Variants in PELI2 observed in about 807,000 individuals in gnomAD.
PELI2 encodes the protein pellino E3 ubiquitin protein ligase family member 2, also known as E3 ubiquitin-protein ligase pellino homolog 2.
A neutral mutation model predicts 42.3 loss-of-function variants in PELI2; 23 were observed. The observed-to-expected ratio is 0.54, with a 90% confidence interval of 0.39 to 0.77. The LOEUF (loss-of-function observed/expected upper bound fraction) is 0.77, where lower values mean the gene tolerates loss of function less well. PELI2 is among the 30% of genes least tolerant of loss of function. PELI2 has a pLI of 0.00. For synonymous variants in PELI2, 245 were observed against 212.2 expected (o/e 1.15, Z -1.34); for missense variants, 463 against 553.2 (o/e 0.84, Z 1.64).
chr14:56,147,520 A>G (rs1046024646), intron 1 of PELI2, among the ~76,000 whole-genome samples: 1 of 152,224 alleles, frequency 6.6e-6, no homozygotes, highest in African/African-American at 2.4e-5. Context: ...GAATTCCTAC[A>G]CCAGCACCAA....
At chr14:56,156,067 A>T (rs924576235) in intron 1 of PELI2, among the ~76,000 whole-genome samples, 14 of 152,210 alleles carry the variant, frequency 9.2e-5, no homozygotes, top group African/African-American at 3.1e-4. Context: ...ATTTAAGTAC[A>T]TCTACTGTTT....
At chr14:56,125,717 A>G (rs928042624) in intron 1 of PELI2, among the ~76,000 whole-genome samples, 1 of 152,116 alleles carries the variant, frequency 6.6e-6, no homozygotes, top group Admixed American at 6.5e-5. Context: ...CTGGACAAAA[A>G]CGTGGTTCTG....
Position 56,213,417 on chromosome 14 carries a change from C to T in PELI2, c.207+34953C>T, listed in dbSNP as rs117926263. ...CCCAGAGAGGAGTACACTTTAAAAG[C>T]AGAGTCCAAGTTAGCAGGCGAGAGG... On this transcript the variant is annotated intron_variant, in intron 2 of 5. Coordinates refer to ENST00000267460, the MANE Select transcript of PELI2 (RefSeq NM_021255.3). 4.0e-4 allele frequency among the ~76,000 whole-genome samples: 61 copies of T among 152,274 alleles called. No individual in the cohort carries two copies. The East Asian group carries it at 0.01, about 26-fold the overall frequency.
At chr14:56,257,999 T>C (rs1238744312) in intron 2 of PELI2, among the ~76,000 whole-genome samples, 1 of 152,066 alleles carries the variant, frequency 6.6e-6, no homozygotes, top group East Asian at 1.9e-4. Flanking sequence ...CGCCACAGAA[T>C]GGGGAAAGAA....
At chr14:56,235,117 TG>T (rs1420377469) in intron 2 of PELI2, among the ~76,000 whole-genome samples, 2 of 152,188 alleles carry the variant, frequency 1.3e-5, no homozygotes, top group African/African-American at 2.4e-5. Flanking sequence ...AGTATTAGCT[TG>T]GTGCAAAGGT....
At chr14:56,123,077 T>G (rs1332236982) in intron 1 of PELI2, among the ~76,000 whole-genome samples, 1 of 152,150 alleles carries the variant, frequency 6.6e-6, no homozygotes, top group Non-Finnish European at 1.5e-5. Context: ...ATTGATAAGC[T>G]CTACAAAAGG....
Position 56,184,014 on chromosome 14 carries a change from C to CT in PELI2, c.207+5559dup, listed in dbSNP as rs200516799. On this transcript the variant is annotated intron_variant, in intron 2 of 5. Coordinates refer to ENST00000267460, the MANE Select transcript of PELI2 (RefSeq NM_021255.3). ...AAGATAAGCCAAGTAAACCACTTAA[C>CT]TTTTTTTTTGGAAATTTTACATTTA... Among the ~76,000 whole-genome samples, 1,166 of 151,338 alleles carry CT rather than the reference C, an allele frequency of 7.7e-3. 18 individuals are homozygous for CT. Among genetic ancestry groups the CT allele is most frequent in the African/African-American group, 0.026 (1,066 of 41,304 alleles).
intron 2 of PELI2, among the ~76,000 whole-genome samples, chr14:56,270,705 C>A (rs1302634855): frequency 6.6e-6 from 1 of 152,178 alleles, no homozygotes; most frequent in African/African-American, 2.4e-5. Flanking sequence ...TTATATACAT[C>A]ATTTTCTCTT....
intron 3 of PELI2, among the ~76,000 whole-genome samples, chr14:56,282,733 T>C (rs998701074): frequency 6.6e-5 from 10 of 152,146 alleles, no homozygotes; most frequent in Non-Finnish European, 1.3e-4. Flanking sequence ...TATATAATCT[T>C]ATAAATGTCT....
intron 2 of PELI2, among the ~76,000 whole-genome samples, chr14:56,217,783 G>A (rs1224115912): frequency 2.0e-5 from 3 of 152,036 alleles, no homozygotes; most frequent in African/African-American, 4.8e-5. Flanking sequence ...TTGGCCCAAC[G>A]TGCTGTCACT....
intron 2 of PELI2, among the ~76,000 whole-genome samples, chr14:56,261,226 G>A (rs921450355): frequency 5.3e-5 from 8 of 152,126 alleles, no homozygotes; most frequent in Non-Finnish European, 7.3e-5. Flanking sequence ...CTTGGTAACT[G>A]TGTCCTGTGA....
At chr14:56,245,933 A>G (rs375719869) in intron 2 of PELI2, among the ~76,000 whole-genome samples, 4 of 152,294 alleles carry the variant, frequency 2.6e-5, no homozygotes, top group East Asian at 3.9e-4. Context: ...TATGTAAGAG[A>G]CTTGAGCATC....
At chr14:56,208,820 C>A (rs963502322) in intron 2 of PELI2, among the ~76,000 whole-genome samples, 1 of 152,114 alleles carries the variant, frequency 6.6e-6, no homozygotes, top group East Asian at 1.9e-4. Context: ...TCATAGAAAA[C>A]CATTTTTACC....
chr14:56,160,556 G>A (rs1013995295), intron 1 of PELI2, among the ~76,000 whole-genome samples: 13 of 152,258 alleles, frequency 8.5e-5, no homozygotes, highest in African/African-American at 2.9e-4. Flanking sequence ...ATTTTGGCAT[G>A]GGGAAGCTGG....
intron 2 of PELI2, among the ~76,000 whole-genome samples, chr14:56,265,064 A>G (rs1888847000): frequency 6.6e-6 from 1 of 152,204 alleles, no homozygotes; most frequent in Admixed American, 6.5e-5. Flanking sequence ...TGTGAATTCT[A>G]CCAAAATCTG....
At chr14:56,280,317 A>G (rs1291635934) in intron 3 of PELI2, among the ~76,000 whole-genome samples, 1 of 152,112 alleles carries the variant, frequency 6.6e-6, no homozygotes, top group Non-Finnish European at 1.5e-5. Context: ...AAGAAAGTAC[A>G]GGATGGGTTT....
At chr14:56,169,826 G>A (rs1303339744) in intron 1 of PELI2, among the ~76,000 whole-genome samples, 1 of 152,124 alleles carries the variant, frequency 6.6e-6, no homozygotes, top group Non-Finnish European at 1.5e-5. Flanking sequence ...ACGTTGTTGC[G>A]TTTCTGGGCT....
chr14:56,265,098 A>G (rs994912891), intron 2 of PELI2, among the ~76,000 whole-genome samples: 2 of 152,214 alleles, frequency 1.3e-5, no homozygotes. Flanking sequence ...ATACCAATCA[A>G]AATCCCAGCA....
intron 2 of PELI2, among the ~76,000 whole-genome samples, chr14:56,270,699 A>G (rs1594701956): frequency 6.6e-6 from 1 of 152,266 alleles, no homozygotes; most frequent in Non-Finnish European, 1.5e-5. Flanking sequence ...CATGTTTTAT[A>G]TACATCATTT....
Sources: gnomAD v4.1 joint callset for allele counts (sites outside exome capture counted in the v4.1 genomes callset) on GRCh38, gnomAD v4.1.1 for gene constraint, MANE v1.5 for transcripts, NCBI Gene and HGNC (gene_info 2026-07-23, HGNC 2026-07-21) for gene names.